SPICE1: variants seen among roughly 807,000 people sequenced by gnomAD.
The protein encoded by SPICE1 is spindle and centriole associated protein 1.
In SPICE1, 75 loss-of-function variants were observed where a neutral mutation model predicts 102.7. The observed-to-expected ratio is 0.73, with a 90% CI of 0.61 to 0.88. The LOEUF is 0.88. Among genes scored for constraint, SPICE1 ranks in the 40% least tolerant of loss-of-function variants. The probability of loss-of-function intolerance (pLI) is 0.00; values close to 1 mark genes in which losing one functional copy is unlikely to be tolerated. For synonymous variants in SPICE1, 308 were observed against 350.3 expected, an observed-to-expected ratio of 0.88 and a Z score of 1.35; for missense variants, 979 against 1,020.1, an observed-to-expected ratio of 0.96 and a Z score of 0.55.
At chr3:113,475,826 T>A (rs368641561) in intron 7 of SPICE1, among the ~76,000 whole-genome samples, 3 of 151,544 alleles carry the variant, frequency 2.0e-5, no homozygotes, top group Non-Finnish European at 3.0e-5. Flanking sequence ...ACAGCCAATA[T>A]CATATTGAAT....
chr3:113,502,035 T>C (rs982927121), intron 3 of SPICE1, among the ~76,000 whole-genome samples: 4 of 152,054 alleles, frequency 2.6e-5, no homozygotes, highest in Non-Finnish European at 4.4e-5. Context: ...ATAAATAAAA[T>C]GGTAGATCCA....
intron 10 of SPICE1, 80 bp downstream of exon 10, chr3:113,468,059 G>C: frequency 6.6e-7 from 1 of 1,519,040 alleles, no homozygotes. Context: ...ACTTTATTTG[G>C]AGGTTGCAAT....
At chr3:113,481,053 C>G (rs909349076) in intron 7 of SPICE1, among the ~76,000 whole-genome samples, 7 of 151,936 alleles carry the variant, frequency 4.6e-5, no homozygotes, top group Non-Finnish European at 1.0e-4. Flanking sequence ...TGTCCTATAA[C>G]TAATAAAATA....
intron 7 of SPICE1, among the ~76,000 whole-genome samples, chr3:113,488,384 G>T (rs1487428241): frequency 6.6e-6 from 1 of 151,982 alleles, no homozygotes; most frequent in Non-Finnish European, 1.5e-5. Flanking sequence ...AAGAAAATGT[G>T]GTATAGACAC....
At chr3:113,468,975 T>A (rs1007716697) in intron 8 of SPICE1, 76 bp from the exon 9 acceptor site, 3 of 1,567,122 alleles carry the variant, frequency 1.9e-6, no homozygotes. Context: ...GACAGATCCA[T>A]CAGTATTTTA....
chr3:113,508,642 C>A (rs193019602), intron 1 of SPICE1, among the ~76,000 whole-genome samples: 19 of 152,262 alleles, frequency 1.2e-4, no homozygotes, highest in African/African-American at 4.1e-4. Context: ...AAACTAGAAT[C>A]CTCACATATT....
chr3:113,508,422 G>T (rs989946885), intron 1 of SPICE1, among the ~76,000 whole-genome samples: 2 of 152,062 alleles, frequency 1.3e-5, no homozygotes, highest in African/African-American at 4.8e-5. Context: ...TTTACAACTC[G>T]ACAATTTAAA....
intron 3 of SPICE1, 48 bp downstream of exon 3, chr3:113,503,132 C>T (rs746965759): frequency 1.9e-6 from 3 of 1,572,920 alleles, no homozygotes; most frequent in Non-Finnish European, 2.6e-6. Flanking sequence ...AAGTCAAATA[C>T]CAAATAAAAC....
intron 16 of SPICE1, among the ~76,000 whole-genome samples, chr3:113,447,448 T>C (rs954809339): frequency 6.6e-6 from 1 of 152,174 alleles, no homozygotes; most frequent in African/African-American, 2.4e-5. Flanking sequence ...ACACATTCTG[T>C]GGGTTTTCAC....
Position 113,514,958 on chromosome 3 carries a change from C to T in SPICE1, c.-62G>A. 1 of 869,226 alleles carries T rather than the reference C, an allele frequency of 1.2e-6. No individual in the cohort carries two copies. Among genetic ancestry groups the T allele is most frequent in the Non-Finnish European group, 1.5e-6 (1 of 658,268 alleles). 53.8% of individuals were successfully genotyped at this position (869,226 alleles called of 1,614,324 possible). A position where few individuals can be genotyped will look rare whatever the true frequency, so the allele number is the denominator to read the frequency against. On this transcript the variant is annotated 5_prime_UTR_variant, in exon 1 of 18. Coordinates refer to ENST00000295872, the MANE Select transcript of SPICE1 (RefSeq NM_144718.4). ...CTGAAGTAAGGATTCCCCAACCGGG[C>T]GCCTGGATCCCAGGCAACAGACAGA...
At chr3:113,502,272 A>T (rs1220431178) in intron 3 of SPICE1, among the ~76,000 whole-genome samples, 1 of 152,170 alleles carries the variant, frequency 6.6e-6, no homozygotes, top group Non-Finnish European at 1.5e-5. Flanking sequence ...AGTACTCAAG[A>T]TGCTGAGGTG....
At chr3:113,513,375 C>A (rs1937256871) in intron 1 of SPICE1, among the ~76,000 whole-genome samples, 1 of 152,180 alleles carries the variant, frequency 6.6e-6, no homozygotes, top group Non-Finnish European at 1.5e-5. Context: ...GGCGCCCCTG[C>A]ACTCCAGCCT....
At chr3:113,451,850 C>G (rs1302959806) in intron 14 of SPICE1, among the ~76,000 whole-genome samples, 1 of 152,114 alleles carries the variant, frequency 6.6e-6, no homozygotes, top group Admixed American at 6.5e-5. Context: ...CCTTATTCCC[C>G]ATGACCCAGT....
chr3:113,485,162 C>G (rs570733388), intron 7 of SPICE1, among the ~76,000 whole-genome samples: 3 of 150,344 alleles, frequency 2.0e-5, no homozygotes, highest in African/African-American at 7.4e-5. Flanking sequence ...AAACTAGCTG[C>G]AGGAGTTTTG....
At chr3:113,477,221 CA>C (rs1294684184) in intron 7 of SPICE1, among the ~76,000 whole-genome samples, 1 of 152,106 alleles carries the variant, frequency 6.6e-6, no homozygotes, top group Non-Finnish European at 1.5e-5. Flanking sequence ...AAATGCAAAT[CA>C]AAACCACAAT....
intron 10 of SPICE1, among the ~76,000 whole-genome samples, chr3:113,467,424 T>C (rs1265879643): frequency 6.6e-6 from 1 of 152,174 alleles, no homozygotes; most frequent in Non-Finnish European, 1.5e-5. Flanking sequence ...CCCCAGAAGC[T>C]GGGATTACAG....
chr3:113,457,293 G>A lies in SPICE1; in HGVS notation c.1500C>T (p.Phe500=). The change falls in exon 13 of 18, where the codon TTC becomes TTT. Residue 500 remains phenylalanine, a synonymous_variant. Coordinates refer to ENST00000295872, the MANE Select transcript of SPICE1 (RefSeq NM_144718.4). The stretch of plus-strand genomic sequence containing the variant: ...GTTTAACGGGCAACTCTTCCTGTGG[G>A]AATTCAGCCACTTCCTCTCTGAACA... The part of the protein sequence containing the change: ...PLMFREEVAE[F]PQEELPVKLS... 1 of 1,614,192 alleles carries A rather than the reference G, an allele frequency of 6.2e-7. No individual in the cohort carries two copies.
intron 7 of SPICE1, among the ~76,000 whole-genome samples, chr3:113,476,940 TAACTA>T (rs1326428093): frequency 6.6e-6 from 1 of 152,308 alleles, no homozygotes; most frequent in East Asian, 1.9e-4. Flanking sequence ...AAATGGGATC[TAACTA>T]AACTAAAGAG....
chr3:113,510,539 T>C lies in SPICE1; in HGVS notation c.1-3934A>G, dbSNP rs142213647. 3.1e-3 allele frequency among the ~76,000 whole-genome samples: 472 copies of C among 152,252 alleles called. 6 individuals are homozygous for C. The highest frequency in any genetic ancestry group is 0.011 in the African/African-American group (444 of 41,544). On this transcript the variant is annotated intron_variant, in intron 1 of 17. Transcript: ENST00000295872. The stretch of plus-strand genomic sequence containing the variant: ...AATGGGGAAAGGATTCCCTACTTAA[T>C]AGTGTTGGGAGAACTGGTGAGCCAT...
Sources: allele counts gnomAD v4.1 joint callset (sites outside exome capture counted in the v4.1 genomes callset), GRCh38; gene constraint gnomAD v4.1.1; transcripts MANE v1.5; gene names NCBI Gene and HGNC (gene_info 2026-07-23, HGNC 2026-07-21).